BCAP29: variants seen among roughly 807,000 people sequenced by gnomAD.
BCAP29 encodes the protein B cell receptor associated protein 29, also known as B-cell receptor-associated protein 29.
A neutral mutation model predicts 31.8 loss-of-function variants in BCAP29; 34 were observed. The ratio of observed to expected loss-of-function variants is 1.07; its 90% CI spans 0.81 to 1.42. BCAP29 has a LOEUF of 1.42. Ranked by LOEUF, BCAP29 falls within the 40% of genes most tolerant of loss-of-function variation. The probability of loss-of-function intolerance (pLI) is 0.00; values close to 1 mark genes in which losing one functional copy is unlikely to be tolerated. For missense variants in BCAP29, 314 were observed against 269.2 expected (o/e 1.17, Z -1.16); for synonymous variants, 104 against 91.3 (o/e 1.14, Z -0.79).
At chr7:107,581,116 T>C (rs193178498) in intron 2 of BCAP29, among the ~76,000 whole-genome samples, 13 of 152,358 alleles carry the variant, frequency 8.5e-5, no homozygotes, top group African/African-American at 3.1e-4. Flanking sequence ...ATTACAGATA[T>C]AATAAAGCAA....
At chr7:107,606,866 A>G (rs1308692839) in intron 6 of BCAP29, among the ~76,000 whole-genome samples, 3 of 152,220 alleles carry the variant, frequency 2.0e-5, no homozygotes, top group East Asian at 3.8e-4. Context: ...TATAAAAGGG[A>G]GTATTTATCT....
chr7:107,602,415 T>C (rs1022741016), intron 6 of BCAP29, among the ~76,000 whole-genome samples: 1 of 152,156 alleles, frequency 6.6e-6, no homozygotes, highest in Non-Finnish European at 1.5e-5. Flanking sequence ...GTGCATGATT[T>C]GGATGAATTC....
intron 5 of BCAP29, among the ~76,000 whole-genome samples, chr7:107,598,483 G>A (rs1184592089): frequency 2.6e-5 from 4 of 152,048 alleles, no homozygotes; most frequent in African/African-American, 9.7e-5. Flanking sequence ...ATATAGCACA[G>A]TAGTACTGTA....
chr7:107,595,738 T>C (rs1809690715), intron 4 of BCAP29, 129 bp from the exon 5 acceptor site: 1 of 935,514 alleles, frequency 1.1e-6, no homozygotes, highest in African/African-American at 1.8e-5. Flanking sequence ...AAAAGAATAA[T>C]GGGTTCTGCC....
Position 107,591,656 on chromosome 7 carries a change from A to ACACACACACACACACACACACACC in BCAP29, c.194-2298_194-2297insACACACACACACACACACACACCC. ...CATACACACATACACACACACACAC[A>ACACACACACACACACACACACACC]CCCTATTGGTTCTTTTTCCCTGGAG... On this transcript the variant is annotated intron_variant, in intron 3 of 7. Transcript: ENST00000005259. Among the ~76,000 whole-genome samples the ACACACACACACACACACACACACC allele has an allele frequency of 3.7e-3, 504 of 136,136 alleles. 13 individuals are homozygous for ACACACACACACACACACACACACC. The highest frequency in any genetic ancestry group is 0.013 in the South Asian group (54 of 4,048). 89.3% of individuals were successfully genotyped at this position (136,136 alleles called of 152,430 possible). A position where few individuals can be genotyped will look rare whatever the true frequency, so the allele number is the denominator to read the frequency against.
intron 1 of BCAP29, 67 bp from the exon 2 acceptor site, chr7:107,580,692 G>C: frequency 9.1e-7 from 1 of 1,097,198 alleles, no homozygotes; most frequent in Non-Finnish European, 1.3e-6. Context: ...AAAACGCTGC[G>C]CCTCGGGGCC....
chr7:107,617,845 CTTAAGA>C (rs1174313698), intron 7 of BCAP29, among the ~76,000 whole-genome samples: 1 of 152,112 alleles, frequency 6.6e-6, no homozygotes, highest in Non-Finnish European at 1.5e-5. Context: ...CAAGTGATCT[CTTAAGA>C]TTAATTTCTT....
chr7:107,583,054 C>T (rs950305844), intron 2 of BCAP29, among the ~76,000 whole-genome samples: 14 of 151,872 alleles, frequency 9.2e-5, no homozygotes, highest in African/African-American at 3.4e-4. Flanking sequence ...GTTGTAAGTG[C>T]TTGAAGCTAT....
At chr7:107,587,045 A>G (rs746923699) in intron 3 of BCAP29, among the ~76,000 whole-genome samples, 1 of 152,138 alleles carries the variant, frequency 6.6e-6, no homozygotes, top group Non-Finnish European at 1.5e-5. Flanking sequence ...TAAGGTAGCT[A>G]TTAAGAAGTG....
intron 3 of BCAP29, among the ~76,000 whole-genome samples, chr7:107,589,817 T>C (rs1197506390): frequency 6.6e-6 from 1 of 151,992 alleles, no homozygotes; most frequent in Non-Finnish European, 1.5e-5. Flanking sequence ...AGTATGGGGG[T>C]TTTGTTTTTG....
intron 3 of BCAP29, chr7:107,587,340 G>A (rs1329898258): frequency 1.3e-5 from 2 of 152,128 alleles, no homozygotes; most frequent in Non-Finnish European, 2.9e-5. Flanking sequence ...TACAGGTGAT[G>A]TATTCTACAG....
chr7:107,581,820 C>G (rs1806725884), intron 2 of BCAP29, among the ~76,000 whole-genome samples: 1 of 152,116 alleles, frequency 6.6e-6, no homozygotes, highest in Non-Finnish European at 1.5e-5. Context: ...ATCAGCTAAG[C>G]TAAGCTCAGT....
intron 6 of BCAP29, among the ~76,000 whole-genome samples, chr7:107,610,841 T>C (rs1333709361): frequency 6.6e-6 from 1 of 152,252 alleles, no homozygotes; most frequent in Admixed American, 6.5e-5. Flanking sequence ...AACTTCTTAA[T>C]GTCAGAAATT....
intron 6 of BCAP29, among the ~76,000 whole-genome samples, chr7:107,611,973 G>C (rs1813204233): frequency 6.6e-6 from 1 of 152,112 alleles, no homozygotes; most frequent in South Asian, 2.1e-4. Flanking sequence ...CGCAGATGTA[G>C]AACTATGTAG....
chr7:107,612,451 T>A (rs1183005502), intron 6 of BCAP29, among the ~76,000 whole-genome samples: 3 of 133,908 alleles, frequency 2.2e-5, no homozygotes, highest in African/African-American at 9.1e-5. Flanking sequence ...TTATTTTACT[T>A]CTATCTAAGG....
chr7:107,594,088 T>C lies in BCAP29; in HGVS notation c.327T>C (p.Phe109=). Reference sequence around the variant, plus strand: ...AAAGAAATCTTTACATTTCTGGATTTTCCCTATTTTTTTGGCTGTAAGTAA... The same window carrying C: ...AAAGAAATCTTTACATTTCTGGATTCTCCCTATTTTTTTGGCTGTAAGTAA... ...RSQRNLYISG[F]SLFFWLVLRR... Residue 109 remains phenylalanine (F), a synonymous_variant, in exon 4 of 8, where the codon TTT becomes TTC. Transcript: ENST00000005259. The C allele has an allele frequency of 6.2e-7, 1 of 1,610,972 alleles. No homozygotes were observed. The highest frequency in any genetic ancestry group is 8.5e-7 in the Non-Finnish European group (1 of 1,178,526).
intron 3 of BCAP29, among the ~76,000 whole-genome samples, chr7:107,592,629 A>G (rs552018427): frequency 1.4e-4 from 22 of 152,356 alleles, no homozygotes; most frequent in African/African-American, 5.1e-4. Flanking sequence ...AAACTTGCAC[A>G]TGAATGTTCG....
intron 5 of BCAP29, among the ~76,000 whole-genome samples, chr7:107,599,247 A>T (rs1324785354): frequency 7.8e-6 from 1 of 127,884 alleles, no homozygotes; most frequent in East Asian, 2.0e-4. Flanking sequence ...TTATATATAA[A>T]TATATATAAT....
At chr7:107,596,960 A>G (rs1429501492) in intron 5 of BCAP29, among the ~76,000 whole-genome samples, 1 of 152,062 alleles carries the variant, frequency 6.6e-6, no homozygotes, top group Non-Finnish European at 1.5e-5. Context: ...CTTTGTTTCC[A>G]TACTGTCCTG....
Sources: allele counts gnomAD v4.1 joint callset (sites outside exome capture counted in the v4.1 genomes callset), GRCh38; gene constraint gnomAD v4.1.1; transcripts MANE v1.5; gene names NCBI Gene and HGNC (gene_info 2026-07-23, HGNC 2026-07-21).